POU3F2: variants seen among roughly 807,000 people sequenced by gnomAD.
POU3F2 encodes the protein POU domain, class 3, transcription factor 2.
A neutral mutation model predicts 33.1 loss-of-function variants in POU3F2; 11 were observed. That is an observed-to-expected ratio of 0.33 (90% CI 0.21 to 0.55). The LOEUF (loss-of-function observed/expected upper bound fraction) is 0.55, where lower values mean the gene tolerates loss of function less well. Among genes scored for constraint, POU3F2 ranks in the 20% least tolerant of loss-of-function variants. The pLI is 0.91. For missense variants in POU3F2, 456 were observed against 620.2 expected, an observed-to-expected ratio of 0.74 and a Z score of 2.81; for synonymous variants, 332 against 289.6, an observed-to-expected ratio of 1.15 and a Z score of -1.49.
rs944885393 is a variant in POU3F2, at chr6:98,835,578, A to C, written c.705A>C (p.Pro235=). ...ACCACCCGCACCCGCACTCGCACCCACACCAGCAGCCGCCGCCCCCGCCGC... is the reference window on the plus strand; with the variant it reads ...ACCACCCGCACCCGCACTCGCACCCCCACCAGCAGCCGCCGCCCCCGCCGC... The part of the protein sequence containing the change: ...ADHHPHPHSH[P]HQQPPPPPPP... Residue 235 remains proline, a synonymous_variant, in exon 1 of 1, where the codon CCA becomes CCC. Transcript: ENST00000328345. This position sits in a 1 kb window ranked among gnomAD's most constrained non-coding sequence, Gnocchi z 9.7. The C allele has an allele frequency of 4.4e-6, 7 of 1,600,088 alleles. No homozygotes were observed. The African/African-American group carries it at 8.1e-5, about 18-fold the overall frequency.
At position 98,834,852 on chromosome 6, in the gene POU3F2, G is replaced by T. The variant is rs775075666; in HGVS notation, c.-22G>T. The T allele has an allele frequency of 4.4e-6, 7 of 1,592,088 alleles. No individual in the cohort carries two copies. In the African/African-American group the frequency reaches 6.7e-5, roughly 15 times the overall value. The stretch of plus-strand genomic sequence containing the variant: ...AATGCGCGGCTCCTTTAACCGGAGC[G>T]CTCAGTCCGGCTCCGAGAGTCATGG... On this transcript the variant is annotated 5_prime_UTR_variant, in exon 1 of 1. Coordinates refer to ENST00000328345, the MANE Select transcript of POU3F2 (RefSeq NM_005604.4).
Position 98,835,530 on chromosome 6 carries a change from C to A in POU3F2, c.657C>A (p.His219Gln), listed in dbSNP as rs760516943. ...ACCACCACGGCCTGCGGGACGCGCA[C>A]GACGAGCCACACCATGCCGACCACC... ...GLHHHGLRDA[H>Q]DEPHHADHHP... Residue 219 changes from histidine to glutamine, a missense_variant, in exon 1 of 1, where the codon CAC becomes CAA. Physicochemically the swap from His to Gln is conservative, Grantham distance 24. This residue lies in a region of POU3F2 where 341 missense variants were observed against 382.4 expected (regional missense o/e 0.89). Transcript: ENST00000328345. This position sits in a 1 kb window ranked among gnomAD's most constrained non-coding sequence, Gnocchi z 9.7. The A allele has an allele frequency of 2.6e-6, 4 of 1,568,464 alleles. No individual in the cohort carries two copies. The highest frequency in any genetic ancestry group is 1.7e-6 in the Non-Finnish European group (2 of 1,164,460).
Position 98,835,128 on chromosome 6 carries a change from G to GGGCGGC in POU3F2, c.260_265dup (p.Gly87_Gly88dup), listed in dbSNP as rs1189500799. The GGGCGGC allele has an allele frequency of 1.1e-5, 13 of 1,223,868 alleles. No homozygotes were observed. The highest frequency in any genetic ancestry group is 8.5e-5 in the Admixed American group (2 of 23,500). The allele number at this position is 1,223,868 out of a possible 1,614,324, so 75.8% of individuals were successfully genotyped here. A position where few individuals can be genotyped will look rare whatever the true frequency, so the allele number is the denominator to read the frequency against. Reference sequence around the variant, plus strand: ...GCGGGGGGGGCGGGGGCGGCGGCGGGGGCGGCGGCGACGGCTCCCCGTGGT... The same window carrying GGGCGGC: ...GCGGGGGGGGCGGGGGCGGCGGCGGGGGCGGCGGCGGCGGCGACGGCTCCCCGTGGT... On this transcript the variant is annotated inframe_insertion, in exon 1 of 1. Transcript: ENST00000328345. The surrounding 1 kb of genome is among the most constrained non-coding windows in gnomAD (Gnocchi z 9.7).
chr6:98,835,248 GCAGCAGCATCAGCAGCAGCAACAGCAA>G lies in POU3F2; in HGVS notation c.384_410del (p.His128_Gln136del). On this transcript the variant is annotated inframe_deletion, in exon 1 of 1. Transcript: ENST00000328345. This position sits in a 1 kb window ranked among gnomAD's most constrained non-coding sequence, Gnocchi z 9.7. ...AGCTGCACGGGCCAGGCGCCCTGCA[GCAGCAGCATCAGCAGCAGCAACAGCAA>G]CAGCAGCAGCAACAGCAGCAACAGC... 6.5e-7 allele frequency: 1 copy of G among 1,542,408 alleles called. No individual in the cohort carries two copies. The highest frequency in any genetic ancestry group is 8.7e-7 in the Non-Finnish European group (1 of 1,144,530).
Position 98,837,464 on chromosome 6 carries a change from T to C in POU3F2, c.*1259T>C, listed in dbSNP as rs1324644355. On this transcript the variant is annotated 3_prime_UTR_variant, in exon 1 of 1. Coordinates refer to ENST00000328345, the MANE Select transcript of POU3F2 (RefSeq NM_005604.4). ...CATAAAAAAAGACCCAGGAACTTAA[T>C]AGTGTATGCATAAGACTGTGTTTTT... 6.0e-6 allele frequency: 1 copy of C among 167,080 alleles called. No individual in the cohort carries two copies. The highest frequency in any genetic ancestry group is 1.5e-5 in the Non-Finnish European group (1 of 68,116). The allele number at this position is 167,080 out of a possible 1,614,324, so 10.3% of individuals were successfully genotyped here.
In POU3F2 at chr6:98,838,621, A is replaced by G. The variant is rs1770031770; in HGVS notation, c.*2416A>G. 1 of 166,484 alleles carries G rather than the reference A, an allele frequency of 6.0e-6. No individual in the cohort carries two copies. Among genetic ancestry groups the G allele is most frequent in the African/African-American group, 2.4e-5 (1 of 41,452 alleles). The allele number at this position is 166,484 out of a possible 1,614,324, so 10.3% of individuals were successfully genotyped here. On this transcript the variant is annotated 3_prime_UTR_variant, in exon 1 of 1. Coordinates refer to ENST00000328345, the MANE Select transcript of POU3F2 (RefSeq NM_005604.4). ...ACTGTTTTTCTGTAGCTTTAAATGA[A>G]TAGGTGAGCAAAATCTATATGGGAT...
Position 98,836,067 on chromosome 6 carries a change from G to A in POU3F2, c.1194G>A (p.Val398=), listed in dbSNP as rs971482225. The A allele has an allele frequency of 6.2e-7, 1 of 1,603,630 alleles. No individual in the cohort carries two copies. The highest frequency in any genetic ancestry group is 8.5e-7 in the Non-Finnish European group (1 of 1,177,494). The change falls in exon 1 of 1, where the codon GTG becomes GTA. Residue 398 remains valine (V), a synonymous_variant. Transcript: ENST00000328345. Reference sequence around the variant, plus strand: ...GCTTACAGCTGGAGAAGGAGGTGGTGAGAGTTTGGTTTTGTAACAGGAGAC... The same window carrying A: ...GCTTACAGCTGGAGAAGGAGGTGGTAAGAGTTTGGTTTTGTAACAGGAGAC... ...ADSLQLEKEV[V]RVWFCNRRQK...
chr6:98,839,437 T>G lies in POU3F2; in HGVS notation c.*3232T>G, dbSNP rs1342114172. 6.6e-6 allele frequency: 1 copy of G among 152,222 alleles called. No individual in the cohort carries two copies. The highest frequency in any genetic ancestry group is 1.9e-4 in the East Asian group (1 of 5,202). The allele number at this position is 152,222 out of a possible 1,614,324, so 9.4% of individuals were successfully genotyped here. A position where few individuals can be genotyped will look rare whatever the true frequency, so the allele number is the denominator to read the frequency against. On this transcript the variant is annotated 3_prime_UTR_variant, in exon 1 of 1. Coordinates refer to ENST00000328345, the MANE Select transcript of POU3F2 (RefSeq NM_005604.4). ...ATCCTATACATTATTCCTGTTTGGT[T>G]TGCATAAAAAGATGAATTTTACAAT... is the stretch of plus-strand genomic sequence containing the variant.
In POU3F2 at chr6:98,835,444, T is replaced by G. The variant is rs1259567525; in HGVS notation, c.571T>G (p.Ser191Ala). Reference sequence around the variant, plus strand: ...AGCGTCCAACGGCGGCTTGCTCTACTCGCAGCCCAGCTTCACGGTGAACGG... The same window carrying G: ...AGCGTCCAACGGCGGCTTGCTCTACGCGCAGCCCAGCTTCACGGTGAACGG... ...MGASNGGLLY[S>A]QPSFTVNGML... Residue 191 changes from serine (S) to alanine (A), a missense_variant, in exon 1 of 1, where the codon TCG (serine) becomes GCG (alanine). This residue lies in a region of POU3F2 where 341 missense variants were observed against 382.4 expected (regional missense o/e 0.89). Transcript: ENST00000328345. This position sits in a 1 kb window ranked among gnomAD's most constrained non-coding sequence, Gnocchi z 9.7. 1.9e-6 allele frequency: 3 copies of G among 1,585,830 alleles called. No individual in the cohort carries two copies. The African/African-American group carries it at 4.1e-5, about 22-fold the overall frequency.
In POU3F2 at chr6:98,834,737, AGC is replaced by A. The variant is rs879670097; in HGVS notation, c.-135_-134del. On this transcript the variant is annotated 5_prime_UTR_variant, in exon 1 of 1. Transcript: ENST00000328345. ...CAGGAGCAGCAACAGAAGGCGTCGG[AGC>A]GGGCGTCGGAGCTGCCCGCTGTGGG... The A allele has an allele frequency of 4.7e-4, 448 of 955,078 alleles. 3 individuals carry two copies. The highest frequency in any genetic ancestry group is 1.1e-3 in the South Asian group (68 of 59,590). 59.2% of individuals were successfully genotyped at this position (955,078 alleles called of 1,614,324 possible). A position where few individuals can be genotyped will look rare whatever the true frequency, so the allele number is the denominator to read the frequency against.
Position 98,837,796 on chromosome 6 carries a change from A to G in POU3F2, c.*1591A>G, listed in dbSNP as rs1770020110. On this transcript the variant is annotated 3_prime_UTR_variant, in exon 1 of 1. Coordinates refer to ENST00000328345, the MANE Select transcript of POU3F2 (RefSeq NM_005604.4). ...GTTAACTCCAAACACAAAAGACTCTACTGGAAAGTGTAGGTGAAAAAACTT... is the reference window on the plus strand; with the variant it reads ...GTTAACTCCAAACACAAAAGACTCTGCTGGAAAGTGTAGGTGAAAAAACTT... 1 of 166,872 alleles carries G rather than the reference A, an allele frequency of 6.0e-6. No homozygotes were observed. The highest frequency in any genetic ancestry group is 2.4e-5 in the African/African-American group (1 of 41,442). 10.3% of individuals were successfully genotyped at this position (166,872 alleles called of 1,614,324 possible).
At position 98,838,212 on chromosome 6, in the gene POU3F2, G is replaced by A. The variant is rs541958699; in HGVS notation, c.*2007G>A. 5 of 167,138 alleles carry A rather than the reference G, an allele frequency of 3.0e-5. No individual in the cohort carries two copies. The highest frequency in any genetic ancestry group is 1.2e-4 in the African/African-American group (5 of 41,562). The allele number at this position is 167,138 out of a possible 1,614,324, so 10.4% of individuals were successfully genotyped here. A position where few individuals can be genotyped will look rare whatever the true frequency, so the allele number is the denominator to read the frequency against. On this transcript the variant is annotated 3_prime_UTR_variant, in exon 1 of 1. Coordinates refer to ENST00000328345, the MANE Select transcript of POU3F2 (RefSeq NM_005604.4). ...AGGAGATGGGCACGGAGCTGCTTCGGGTGCATCACGCTGCTCGTTCCTGAG... is the reference window on the plus strand; with the variant it reads ...AGGAGATGGGCACGGAGCTGCTTCGAGTGCATCACGCTGCTCGTTCCTGAG...
rs1769970571 is a variant in POU3F2, at chr6:98,835,003, G to T, written c.130G>T (p.Asp44Tyr). 1 of 1,591,700 alleles carries T rather than the reference G, an allele frequency of 6.3e-7. No homozygotes were observed. Among genetic ancestry groups the T allele is most frequent in the Non-Finnish European group, 8.5e-7 (1 of 1,175,522 alleles). Reference protein sequence around the residue: ...YREAQSLVQGDYGALQSNGHP... With the variant: ...YREAQSLVQGYYGALQSNGHP... ...CGAAGCGCAGAGCCTGGTGCAGGGC[G>T]ACTACGGCGCTCTGCAGAGCAACGG... Residue 44 changes from aspartate (D) to tyrosine (Y), a missense_variant, in exon 1 of 1, where the codon GAC (aspartate) becomes TAC (tyrosine). Physicochemically the swap from Asp to Tyr is radical, Grantham distance 160 (BLOSUM62 -3). Transcript: ENST00000328345. The surrounding 1 kb of genome is among the most constrained non-coding windows in gnomAD (Gnocchi z 9.7).
rs780956589 is a variant in POU3F2, at chr6:98,835,028, G to C, written c.155G>C (p.Gly52Ala). Residue 52 changes from glycine to alanine, a missense_variant, in exon 1 of 1, where the codon GGA becomes GCA. This residue lies in a region of POU3F2 where 341 missense variants were observed against 382.4 expected (regional missense o/e 0.89). Transcript: ENST00000328345. The surrounding 1 kb of genome is among the most constrained non-coding windows in gnomAD (Gnocchi z 9.7). Reference sequence around the variant, plus strand: ...GACTACGGCGCTCTGCAGAGCAACGGACACCCGCTCAGCCACGCTCACCAG... The same window carrying C: ...GACTACGGCGCTCTGCAGAGCAACGCACACCCGCTCAGCCACGCTCACCAG... ...QGDYGALQSN[G>A]HPLSHAHQWI... 2.6e-6 allele frequency: 4 copies of C among 1,548,908 alleles called. No individual in the cohort carries two copies. Among genetic ancestry groups the C allele is most frequent in the Non-Finnish European group, 3.5e-6 (4 of 1,154,328 alleles).
chr6:98,834,790 C>T lies in POU3F2; in HGVS notation c.-84C>T, dbSNP rs577299542. Reference sequence around the variant, plus strand: ...AGAGAGAGGAGACAGAAAGAGCGAGCGAGGAGAGGGAGCCCGAGGCGAAAA... The same window carrying T: ...AGAGAGAGGAGACAGAAAGAGCGAGTGAGGAGAGGGAGCCCGAGGCGAAAA... On this transcript the variant is annotated 5_prime_UTR_variant, in exon 1 of 1. Transcript: ENST00000328345. The T allele has an allele frequency of 1.4e-6, 2 of 1,438,690 alleles. No homozygotes were observed. Among genetic ancestry groups the T allele is most frequent in the East Asian group, 2.6e-5 (1 of 38,460 alleles). 89.1% of individuals were successfully genotyped at this position (1,438,690 alleles called of 1,614,324 possible). A position where few individuals can be genotyped will look rare whatever the true frequency, so the allele number is the denominator to read the frequency against.
chr6:98,836,308 T>C lies in POU3F2; in HGVS notation c.*103T>C. 7.6e-7 allele frequency: 1 copy of C among 1,321,526 alleles called. No individual in the cohort carries two copies. Among genetic ancestry groups the C allele is most frequent in the Non-Finnish European group, 1.0e-6 (1 of 1,003,436 alleles). 81.9% of individuals were successfully genotyped at this position (1,321,526 alleles called of 1,614,324 possible). Reference sequence around the variant, plus strand: ...CCTCTCTAACTTCTGATTGTTCTTTTATTTTTAATTATTATTTCCCCGTCC... The same window carrying C: ...CCTCTCTAACTTCTGATTGTTCTTTCATTTTTAATTATTATTTCCCCGTCC... On this transcript the variant is annotated 3_prime_UTR_variant, in exon 1 of 1. Coordinates refer to ENST00000328345, the MANE Select transcript of POU3F2 (RefSeq NM_005604.4).
chr6:98,834,796 G>A lies in POU3F2; in HGVS notation c.-78G>A. 1 of 1,482,864 alleles carries A rather than the reference G, an allele frequency of 6.7e-7. No homozygotes were observed. 91.9% of individuals were successfully genotyped at this position (1,482,864 alleles called of 1,614,324 possible). A position where few individuals can be genotyped will look rare whatever the true frequency, so the allele number is the denominator to read the frequency against. ...AGGAGACAGAAAGAGCGAGCGAGGA[G>A]AGGGAGCCCGAGGCGAAAAAGTAAC... is the stretch of plus-strand genomic sequence containing the variant. On this transcript the variant is annotated 5_prime_UTR_variant, in exon 1 of 1. Transcript: ENST00000328345.
At position 98,836,184 on chromosome 6, in the gene POU3F2, G is replaced by T; in HGVS notation, c.1311G>T (p.Gly437=). 6.3e-7 allele frequency: 1 copy of T among 1,579,648 alleles called. No homozygotes were observed. The highest frequency in any genetic ancestry group is 1.2e-5 in the South Asian group (1 of 84,114). The change falls in exon 1 of 1, where the codon GGG becomes GGT. Residue 437 remains glycine, a synonymous_variant. Coordinates refer to ENST00000328345, the MANE Select transcript of POU3F2 (RefSeq NM_005604.4). The stretch of plus-strand genomic sequence containing the variant: ...GTAGGGACACTCCACCACACCACGG[G>T]GTGCAGACGCCCGTCCAGTGAACTC... ...GGSRDTPPHH[G]VQTPVQ is the part of the protein sequence containing the mutation.
Position 98,836,482 on chromosome 6 carries a change from A to T in POU3F2, c.*277A>T. 1 of 343,978 alleles carries T rather than the reference A, an allele frequency of 2.9e-6. No individual in the cohort carries two copies. The highest frequency in any genetic ancestry group is 5.4e-6 in the Non-Finnish European group (1 of 184,340). The allele number at this position is 343,978 out of a possible 1,614,324, so 21.3% of individuals were successfully genotyped here. On this transcript the variant is annotated 3_prime_UTR_variant, in exon 1 of 1. Transcript: ENST00000328345. ...AGTGTCTCCTGGAGAGAGTGAGGAG[A>T]GTGTGTGATAGCTAGAAAGAGAGAG... is the stretch of plus-strand genomic sequence containing the variant.
Sources: allele counts gnomAD v4.1 joint callset, GRCh38; gene constraint gnomAD v4.1.1; regional missense constraint gnomAD v4.1.1; non-coding constraint Gnocchi (gnomAD v3.1); transcripts MANE v1.5; gene names NCBI Gene and HGNC (gene_info 2026-07-23, HGNC 2026-07-21).